The following PRPS2 variants were observed in gnomAD, a reference collection of about 807,000 sequenced individuals.
The protein encoded by PRPS2 is ribose-phosphate pyrophosphokinase 2.
For synonymous variants in PRPS2, 111 were observed against 115.3 expected, an observed-to-expected ratio of 0.96 and a Z score of 0.24; for missense variants, 104 against 271.5, an observed-to-expected ratio of 0.38 and a Z score of 4.34.
intron 1 of PRPS2, among the ~76,000 whole-genome samples, chrX:12,794,150 C>T (rs1303822965): frequency 1.8e-5 from 2 of 112,558 alleles, no homozygotes; most frequent in Non-Finnish European, 3.8e-5. Flanking sequence ...GGGAAGGGCT[C>T]AGTGAAGAAA....
In PRPS2 at chrX:12,822,970, T is replaced by C. The variant is rs1465493355; in HGVS notation, c.*174T>C. 1 of 432,423 alleles carries C rather than the reference T, an allele frequency of 2.3e-6. No homozygotes were observed. The highest frequency in any genetic ancestry group is 4.0e-6 in the Non-Finnish European group (1 of 252,824). The allele number at this position is 432,423 out of a possible 1,213,427, so 35.6% of individuals were successfully genotyped here. The stretch of plus-strand genomic sequence containing the variant: ...CTTCTAAAGCTCAAGATCATTTCTT[T>C]CCAGTTTTTGGGGAAATGGTGGTGG... On this transcript the variant is annotated 3_prime_UTR_variant, in exon 7 of 7. Transcript: ENST00000380668.
At chrX:12,822,307 C>T (rs186932741) in intron 6 of PRPS2, among the ~76,000 whole-genome samples, 382 of 112,408 alleles carry the variant, frequency 3.4e-3, no homozygotes, top group African/African-American at 0.012. Context: ...TTGCTGACCC[C>T]TGAGTTAGAT....
chrX:12,810,347 T>C, intron 4 of PRPS2: 1 of 466,970 alleles, frequency 2.1e-6, no homozygotes, highest in East Asian at 3.8e-5. Flanking sequence ...AAGAAGAAAA[T>C]ACAGAGACAC....
chrX:12,794,024 A>G (rs752626353), intron 1 of PRPS2, among the ~76,000 whole-genome samples: 2 of 112,581 alleles, frequency 1.8e-5, no homozygotes, highest in African/African-American at 3.2e-5. Flanking sequence ...ATCTTTAGCT[A>G]TACTGTGAGA....
intron 2 of PRPS2, among the ~76,000 whole-genome samples, chrX:12,808,026 C>T (rs2042602739): frequency 9.1e-6 from 1 of 109,833 alleles, no homozygotes; most frequent in African/African-American, 3.3e-5. Context: ...CGCCACCACG[C>T]CTGGCTAATT....
chrX:12,804,304 G>A (rs2284105), intron 2 of PRPS2, among the ~76,000 whole-genome samples: 15,510 of 108,484 alleles, frequency 0.14, 920 homozygotes, highest in East Asian at 0.33. Flanking sequence ...ACCACACCTG[G>A]CTAATTTTAG....
intron 2 of PRPS2, among the ~76,000 whole-genome samples, chrX:12,801,348 T>C (rs188030672): frequency 9.0e-6 from 1 of 111,569 alleles, no homozygotes; most frequent in African/African-American, 3.3e-5. Flanking sequence ...CCACTAGCTA[T>C]TTATACAGAC....
At chrX:12,813,286 C>T (rs1175930934) in intron 4 of PRPS2, among the ~76,000 whole-genome samples, 2 of 112,132 alleles carry the variant, frequency 1.8e-5, no homozygotes, top group African/African-American at 6.5e-5. Context: ...GCAATATTCC[C>T]TTGTGTGCAT....
intron 4 of PRPS2, among the ~76,000 whole-genome samples, chrX:12,811,954 A>T (rs1190381991): frequency 2.7e-5 from 3 of 111,808 alleles, no homozygotes; most frequent in African/African-American, 9.8e-5. Context: ...AGACACAAAT[A>T]TATAAAAGAC....
At chrX:12,795,436 T>C (rs1283589153) in intron 1 of PRPS2, among the ~76,000 whole-genome samples, 2 of 111,705 alleles carry the variant, frequency 1.8e-5, no homozygotes, top group Non-Finnish European at 3.8e-5. Flanking sequence ...GTTCATTTTG[T>C]GCTGCTATAA....
intron 2 of PRPS2, among the ~76,000 whole-genome samples, 185 bp from the exon 3 acceptor site, chrX:12,809,049 T>A (rs745486200): frequency 2.7e-5 from 3 of 112,630 alleles, no homozygotes; most frequent in African/African-American, 9.7e-5. Context: ...GTAGTATATG[T>A]AAATAGTAAA....
At chrX:12,811,324 T>A (rs1316919988) in intron 4 of PRPS2, among the ~76,000 whole-genome samples, 1 of 111,719 alleles carries the variant, frequency 9.0e-6, no homozygotes, top group Non-Finnish European at 1.9e-5. Flanking sequence ...AGGCACCCAG[T>A]GGTGTGAGAA....
At chrX:12,795,693 G>A (rs753816492) in intron 1 of PRPS2, among the ~76,000 whole-genome samples, 28 of 112,277 alleles carry the variant, frequency 2.5e-4, no homozygotes, top group Non-Finnish European at 3.0e-4. Flanking sequence ...ACGTTAATCC[G>A]TTTGTGAGGA....
intron 4 of PRPS2, among the ~76,000 whole-genome samples, chrX:12,812,322 A>G (rs1269016): frequency 0.17 from 19,048 of 111,463 alleles, 1,279 homozygotes; most frequent in African/African-American, 0.25. Flanking sequence ...CTTTGTTACA[A>G]TGTAATTCAA....
At chrX:12,810,756 G>T (rs954833235) in intron 4 of PRPS2, among the ~76,000 whole-genome samples, 1 of 109,583 alleles carries the variant, frequency 9.1e-6, no homozygotes, top group Non-Finnish European at 1.9e-5. Context: ...AAGCCGAGGC[G>T]GGAGAATCAC....
Position 12,813,350 on chromosome X carries a change from G to A in PRPS2, c.530+3204G>A, listed in dbSNP as rs890841451. Among the ~76,000 whole-genome samples the A allele has an allele frequency of 8.9e-5, 10 of 111,896 alleles. No homozygotes were observed. In the East Asian group the frequency reaches 1.1e-3, roughly 12 times the overall value. ...CCCCTCTTCCCCATTTGTAGGTGCC[G>A]TTGTTTGCACTCTTAAATGCAGTTG... is the stretch of plus-strand genomic sequence containing the variant. On this transcript the variant is annotated intron_variant, in intron 4 of 6. Coordinates refer to ENST00000380668, the MANE Select transcript of PRPS2 (RefSeq NM_002765.5).
At chrX:12,792,285 T>A (rs1290035994) in intron 1 of PRPS2, among the ~76,000 whole-genome samples, 1 of 112,321 alleles carries the variant, frequency 8.9e-6, no homozygotes, top group Non-Finnish European at 1.9e-5. Context: ...AGGGTGCAGT[T>A]GTGCCAAGGT....
chrX:12,822,109 A>C (rs1286570143), intron 6 of PRPS2, among the ~76,000 whole-genome samples: 1 of 112,345 alleles, frequency 8.9e-6, no homozygotes, highest in Non-Finnish European at 1.9e-5. Flanking sequence ...GAGTTGGCAC[A>C]CTATGGCTCG....
In PRPS2 at chrX:12,823,659, A is replaced by G. The variant is rs1034876480; in HGVS notation, c.*863A>G. ...TTTAAAATAATGATCTCAGATTTTT[A>G]AAAAGGATATAGGAACCTGCATTGT... On this transcript the variant is annotated 3_prime_UTR_variant, in exon 7 of 7. Coordinates refer to ENST00000380668, the MANE Select transcript of PRPS2 (RefSeq NM_002765.5). The G allele has an allele frequency of 8.0e-5, 9 of 112,417 alleles. No individual in the cohort carries two copies. The highest frequency in any genetic ancestry group is 2.9e-4 in the African/African-American group (9 of 30,932). The allele number at this position is 112,417 out of a possible 1,213,427, so 9.3% of individuals were successfully genotyped here.
Sources: gnomAD v4.1 joint callset for allele counts (sites outside exome capture counted in the v4.1 genomes callset) on GRCh38, gnomAD v4.1.1 for gene constraint, MANE v1.5 for transcripts, NCBI Gene and HGNC (gene_info 2026-07-23, HGNC 2026-07-21) for gene names.